The following LRRTM4 variants were observed in gnomAD, a reference collection of about 807,000 sequenced individuals.
LRRTM4 encodes leucine rich repeat transmembrane neuronal 4.
LRRTM4 carries 25 observed loss-of-function variants against 47.6 expected under a neutral mutation model. That is an observed-to-expected ratio of 0.53 (90% CI 0.38 to 0.73). The LOEUF is 0.73. LRRTM4 is among the 30% of genes least tolerant of loss of function. The pLI is 0.00. For missense variants in LRRTM4, 638 were observed against 713.4 expected, an observed-to-expected ratio of 0.89 and a Z score of 1.20; for synonymous variants, 311 against 269.5, an observed-to-expected ratio of 1.15 and a Z score of -1.51.
intron 3 of LRRTM4, among the ~76,000 whole-genome samples, chr2:77,515,010 T>G (rs1679154292): frequency 6.6e-6 from 1 of 151,898 alleles, no homozygotes; most frequent in Non-Finnish European, 1.5e-5. Flanking sequence ...CACCTTACTG[T>G]TTTAGGAAAA....
At chr2:76,823,768 A>G (rs918564219) in intron 3 of LRRTM4, among the ~76,000 whole-genome samples, 4 of 151,518 alleles carry the variant, frequency 2.6e-5, no homozygotes, top group Non-Finnish European at 5.9e-5. Flanking sequence ...TCTAGATATC[A>G]AAAAATAAAA....
intron 3 of LRRTM4, among the ~76,000 whole-genome samples, chr2:76,929,316 C>G (rs912519826): frequency 4.6e-5 from 7 of 152,164 alleles, no homozygotes; most frequent in South Asian, 2.1e-4. Flanking sequence ...ATCGAGCCTA[C>G]AGTACAACAA....
At chr2:76,956,972 T>C (rs1675695735) in intron 3 of LRRTM4, among the ~76,000 whole-genome samples, 1 of 151,706 alleles carries the variant, frequency 6.6e-6, no homozygotes, top group African/African-American at 2.4e-5. Context: ...AAGTTCATGT[T>C]CATCACAGCA....
chr2:76,935,087 A>G (rs901372764), intron 3 of LRRTM4, among the ~76,000 whole-genome samples: 2 of 152,194 alleles, frequency 1.3e-5, no homozygotes, highest in African/African-American at 4.8e-5. Context: ...AATCAATGCA[A>G]TGGTCTCAAT....
At chr2:77,474,303 C>T (rs111402075) in intron 3 of LRRTM4, among the ~76,000 whole-genome samples, 43 of 152,018 alleles carry the variant, frequency 2.8e-4, no homozygotes, top group African/African-American at 9.6e-4. Context: ...GATTTTGAGG[C>T]GTCTGTCTGG....
intron 3 of LRRTM4, among the ~76,000 whole-genome samples, chr2:77,445,725 T>C (rs761078840): frequency 1.3e-5 from 2 of 152,084 alleles, no homozygotes; most frequent in South Asian, 2.1e-4. Flanking sequence ...TTTATACAAA[T>C]GTTTTCACAA....
At chr2:77,194,238 G>A (rs1673754432) in intron 3 of LRRTM4, among the ~76,000 whole-genome samples, 2 of 152,222 alleles carry the variant, frequency 1.3e-5, no homozygotes, top group East Asian at 3.9e-4. Context: ...CTTTGATGAT[G>A]TCATCAATCT....
intron 3 of LRRTM4, among the ~76,000 whole-genome samples, chr2:76,852,352 C>G (rs1436268111): frequency 6.6e-6 from 1 of 152,162 alleles, no homozygotes; most frequent in East Asian, 1.9e-4. Context: ...ATAACATTGT[C>G]TTACTTTCCT....
chr2:76,983,162 A>T (rs1676672689), intron 3 of LRRTM4, among the ~76,000 whole-genome samples: 1 of 152,090 alleles, frequency 6.6e-6, no homozygotes, highest in Non-Finnish European at 1.5e-5. Flanking sequence ...AGAGAAAGTT[A>T]CTGCATAGTT....
intron 3 of LRRTM4, among the ~76,000 whole-genome samples, chr2:76,816,339 T>C (rs1302681986): frequency 2.0e-5 from 3 of 152,060 alleles, no homozygotes; most frequent in Non-Finnish European, 4.4e-5. Context: ...ATCTGAAGTA[T>C]AATTATTGAC....
At chr2:77,498,387 C>G (rs1164244773) in intron 3 of LRRTM4, among the ~76,000 whole-genome samples, 1 of 151,830 alleles carries the variant, frequency 6.6e-6, no homozygotes, top group Non-Finnish European at 1.5e-5. Flanking sequence ...CTAGTTTCCT[C>G]CTGCACATTT....
chr2:76,979,252 A>G (rs1254777325), intron 3 of LRRTM4, among the ~76,000 whole-genome samples: 1 of 152,030 alleles, frequency 6.6e-6, no homozygotes, highest in African/African-American at 2.4e-5. Flanking sequence ...GTAAGTGTAC[A>G]CAAGAACAAG....
chr2:77,482,267 C>T, intron 3 of LRRTM4, among the ~76,000 whole-genome samples: 1 of 152,182 alleles, frequency 6.6e-6, no homozygotes, highest in Non-Finnish European at 1.5e-5. Flanking sequence ...ACAAGAAGAA[C>T]ACTTATTTCT....
At chr2:77,149,235 C>T (rs755991832) in intron 3 of LRRTM4, among the ~76,000 whole-genome samples, 1 of 151,768 alleles carries the variant, frequency 6.6e-6, no homozygotes, top group Non-Finnish European at 1.5e-5. Context: ...TCTCAATGAC[C>T]TTTTTTACCA....
At position 77,141,414 on chromosome 2, in the gene LRRTM4, T is replaced by C. The variant is rs188932111; in HGVS notation, c.1551+376904A>G. 5.9e-5 allele frequency among the ~76,000 whole-genome samples: 8 copies of C among 135,952 alleles called. No homozygotes were observed. In the East Asian group the frequency reaches 1.7e-3, roughly 30 times the overall value. 89.2% of individuals were successfully genotyped at this position (135,952 alleles called of 152,430 possible). A position where few individuals can be genotyped will look rare whatever the true frequency, so the allele number is the denominator to read the frequency against. On this transcript the variant is annotated intron_variant, in intron 3 of 3. Transcript: ENST00000409884. ...CGTGTTCTCACTCACAGGTGGGAATTGAACAATGAGAACACTTGGACACAG... is the reference window on the plus strand; with the variant it reads ...CGTGTTCTCACTCACAGGTGGGAATCGAACAATGAGAACACTTGGACACAG...
intron 3 of LRRTM4, among the ~76,000 whole-genome samples, chr2:77,255,115 A>AAAAC (rs1374422775): frequency 1.3e-5 from 2 of 151,998 alleles, no homozygotes; most frequent in African/African-American, 4.8e-5. Flanking sequence ...ATAATCAAAG[A>AAAAC]AAACAGTCAT....
At chr2:76,869,618 T>C (rs1240216987) in intron 3 of LRRTM4, among the ~76,000 whole-genome samples, 1 of 152,184 alleles carries the variant, frequency 6.6e-6, no homozygotes, top group African/African-American at 2.4e-5. Context: ...ACTCCAGATA[T>C]CTACTTAAAA....
At chr2:76,826,396 T>A (rs1170919327) in intron 3 of LRRTM4, among the ~76,000 whole-genome samples, 1 of 151,554 alleles carries the variant, frequency 6.6e-6, no homozygotes, top group African/African-American at 2.4e-5. Context: ...AACCCTTATA[T>A]ATGATCTAGT....
chr2:77,384,393 T>C (rs1307415262), intron 3 of LRRTM4, among the ~76,000 whole-genome samples: 1 of 151,948 alleles, frequency 6.6e-6, no homozygotes, highest in Non-Finnish European at 1.5e-5. Flanking sequence ...TCAATATTTC[T>C]TAAAGAACTC....
Sources: gnomAD v4.1 joint callset for allele counts (sites outside exome capture counted in the v4.1 genomes callset) on GRCh38, gnomAD v4.1.1 for gene constraint, MANE v1.5 for transcripts, NCBI Gene and HGNC (gene_info 2026-07-23, HGNC 2026-07-21) for gene names.